RGS7: variants seen among roughly 807,000 people sequenced by gnomAD.
RGS7 encodes the protein regulator of G-protein signaling 7.
A neutral mutation model predicts 81.1 loss-of-function variants in RGS7; 27 were observed. The ratio of observed to expected loss-of-function variants is 0.33; its 90% confidence interval spans 0.25 to 0.46. The LOEUF (loss-of-function observed/expected upper bound fraction) is 0.46. Ranked by LOEUF, RGS7 falls within the 20% of genes least tolerant of loss-of-function variation. The probability of loss-of-function intolerance (pLI) is 1.00; values close to 1 mark genes in which losing one functional copy is unlikely to be tolerated. For synonymous variants in RGS7, 208 were observed against 207.7 expected, an observed-to-expected ratio of 1.00 and a Z score of -0.01; for missense variants, 396 against 607.4, an observed-to-expected ratio of 0.65 and a Z score of 3.66.
At chr1:240,835,833 A>T (rs1376817274) in intron 9 of RGS7, among the ~76,000 whole-genome samples, 2 of 152,216 alleles carry the variant, frequency 1.3e-5, no homozygotes, top group African/African-American at 4.8e-5. Flanking sequence ...AGCCAATCTG[A>T]AAAAGCCACA....
chr1:241,238,483 T>C (rs2076098608), intron 2 of RGS7, among the ~76,000 whole-genome samples: 1 of 152,162 alleles, frequency 6.6e-6, no homozygotes, highest in Non-Finnish European at 1.5e-5. Context: ...GCCCCAAGAA[T>C]TTTTATATAT....
At chr1:240,793,611 A>ATATATATATATTTTTTT in intron 18 of RGS7, among the ~76,000 whole-genome samples, 47 of 78,782 alleles carry the variant, frequency 6.0e-4, no homozygotes, top group Non-Finnish European at 8.8e-4. Context: ...ATATATATAT[A>ATATATATATATTTTTTT]TTTTTTTTTT....
intron 2 of RGS7, among the ~76,000 whole-genome samples, chr1:241,103,332 G>C (rs2064894787): frequency 6.6e-6 from 1 of 152,146 alleles, no homozygotes; most frequent in Non-Finnish European, 1.5e-5. Context: ...ACTGGGCATG[G>C]GAGAAGAGAA....
At chr1:240,858,137 T>G (rs919708004) in intron 9 of RGS7, among the ~76,000 whole-genome samples, 3 of 152,220 alleles carry the variant, frequency 2.0e-5, no homozygotes, top group Non-Finnish European at 4.4e-5. Context: ...TATACCATAG[T>G]TATTTTTTGA....
At chr1:241,173,850 T>C (rs1342308968) in intron 2 of RGS7, among the ~76,000 whole-genome samples, 1 of 152,150 alleles carries the variant, frequency 6.6e-6, no homozygotes, top group African/African-American at 2.4e-5. Flanking sequence ...TACCCTCCCA[T>C]AGTCAAGCTG....
At chr1:241,339,598 G>T (rs1325668417) in intron 2 of RGS7, among the ~76,000 whole-genome samples, 1 of 152,200 alleles carries the variant, frequency 6.6e-6, no homozygotes, top group South Asian at 2.1e-4. Context: ...TATGTAGGCA[G>T]GTCAGGTATG....
intron 6 of RGS7, among the ~76,000 whole-genome samples, chr1:240,901,874 G>A (rs781280626): frequency 2.6e-5 from 4 of 152,008 alleles, no homozygotes; most frequent in Admixed American, 6.6e-5. Context: ...TTCATTCTTC[G>A]TTTCTCACAT....
intron 2 of RGS7, among the ~76,000 whole-genome samples, chr1:241,130,940 A>C (rs1370646800): frequency 6.6e-6 from 1 of 151,980 alleles, no homozygotes; most frequent in African/African-American, 2.4e-5. Context: ...AAAAAAAAAA[A>C]AAAAACCAAG....
At chr1:241,035,284 G>A (rs1204292022) in intron 3 of RGS7, among the ~76,000 whole-genome samples, 5 of 151,956 alleles carry the variant, frequency 3.3e-5, no homozygotes, top group Admixed American at 3.3e-4. Flanking sequence ...ATAATTTCTA[G>A]GCCAGATAGT....
At chr1:240,888,162 T>C (rs902280580) in intron 6 of RGS7, among the ~76,000 whole-genome samples, 1 of 152,218 alleles carries the variant, frequency 6.6e-6, no homozygotes, top group Non-Finnish European at 1.5e-5. Flanking sequence ...GCACAGGTGA[T>C]GTCCCTCAAG....
rs112181173 is a variant in RGS7, at chr1:241,022,279, T to C, written c.176-39150A>G. Among the ~76,000 whole-genome samples the C allele has an allele frequency of 8.5e-3, 1,292 of 152,318 alleles. 17 individuals carry two copies. The highest frequency in any genetic ancestry group is 0.029 in the African/African-American group (1,213 of 41,570). Reference sequence around the variant, plus strand: ...GCTTTTAACCTCCAAGCTGTCCTTGTTCATTCCTGGGTGTAGAGTGAACTA... The same window carrying C: ...GCTTTTAACCTCCAAGCTGTCCTTGCTCATTCCTGGGTGTAGAGTGAACTA... On this transcript the variant is annotated intron_variant, in intron 3 of 18. Coordinates refer to ENST00000440928, the MANE Select transcript of RGS7 (RefSeq NM_001364886.1).
chr1:240,968,729 A>G (rs1682739512), intron 4 of RGS7, among the ~76,000 whole-genome samples: 1 of 152,160 alleles, frequency 6.6e-6, no homozygotes, highest in Admixed American at 6.5e-5. Flanking sequence ...GACAAATGAC[A>G]ATGAAGAGAT....
At position 241,062,481 on chromosome 1, in the gene RGS7, G is replaced by T. The variant is rs138783502; in HGVS notation, c.175+36185C>A. Among the ~76,000 whole-genome samples, 11 of 152,248 alleles carry T rather than the reference G, an allele frequency of 7.2e-5. No individual in the cohort carries two copies. The South Asian group carries it at 1.7e-3, about 23-fold the overall frequency. On this transcript the variant is annotated intron_variant, in intron 3 of 18. Transcript: ENST00000440928. Reference sequence around the variant, plus strand: ...TGATCAGAGAGACTGAGGTAAGAGAGACTCAAATTATTTAAATCTCTCAAT... The same window carrying T: ...TGATCAGAGAGACTGAGGTAAGAGATACTCAAATTATTTAAATCTCTCAAT...
intron 2 of RGS7, among the ~76,000 whole-genome samples, chr1:241,256,143 T>C (rs1352657053): frequency 6.6e-6 from 1 of 152,132 alleles, no homozygotes; most frequent in Non-Finnish European, 1.5e-5. Flanking sequence ...TAAAACAAAT[T>C]CATTTCAGCA....
chr1:240,821,472 T>C (rs561252230), intron 10 of RGS7, among the ~76,000 whole-genome samples: 1 of 152,242 alleles, frequency 6.6e-6, no homozygotes, highest in African/African-American at 2.4e-5. Context: ...AAAACTCCCC[T>C]CTTTATTCAT....
chr1:241,198,044 G>C (rs1366964809), intron 2 of RGS7, among the ~76,000 whole-genome samples: 1 of 151,838 alleles, frequency 6.6e-6, no homozygotes, highest in African/African-American at 2.4e-5. Flanking sequence ...AGTTAACCTA[G>C]AAATGGGTAA....
chr1:241,241,217 A>G (rs1300129971), intron 2 of RGS7, among the ~76,000 whole-genome samples: 3 of 152,012 alleles, frequency 2.0e-5, no homozygotes, highest in Non-Finnish European at 2.9e-5. Flanking sequence ...CAATTCCACT[A>G]CAAGAAGCAG....
At chr1:241,118,872 T>C (rs2066050189) in intron 2 of RGS7, among the ~76,000 whole-genome samples, 1 of 151,082 alleles carries the variant, frequency 6.6e-6, no homozygotes, top group Admixed American at 6.6e-5. Flanking sequence ...GAAAATATAA[T>C]AGATACTGAG....
chr1:241,328,345 T>G (rs2081744052), intron 2 of RGS7, among the ~76,000 whole-genome samples: 1 of 152,244 alleles, frequency 6.6e-6, no homozygotes, highest in South Asian at 2.1e-4. Context: ...CTGCATGCCT[T>G]ACACTTTTGT....
Sources: allele counts gnomAD v4.1 joint callset (sites outside exome capture counted in the v4.1 genomes callset), GRCh38; gene constraint gnomAD v4.1.1; transcripts MANE v1.5; gene names NCBI Gene and HGNC (gene_info 2026-07-23, HGNC 2026-07-21).